The following SLC26A7 variants were observed in gnomAD, a reference collection of about 807,000 sequenced individuals.
SLC26A7 encodes the protein anion exchange transporter.
A neutral mutation model predicts 82.5 loss-of-function variants in SLC26A7; 59 were observed. The ratio of observed to expected loss-of-function variants is 0.72; its 90% CI spans 0.58 to 0.89. The LOEUF is 0.89. SLC26A7 is among the 40% of genes least tolerant of loss of function. The probability of loss-of-function intolerance (pLI) is 0.00; values close to 1 mark genes in which losing one functional copy is unlikely to be tolerated. For synonymous variants in SLC26A7, 271 were observed against 274.3 expected, an observed-to-expected ratio of 0.99 and a Z score of 0.12; for missense variants, 820 against 793.0, an observed-to-expected ratio of 1.03 and a Z score of -0.41.
upstream of SLC26A7, among the ~76,000 whole-genome samples, chr8:91,246,751 A>C (rs28539271): frequency 0.071 from 10,768 of 151,880 alleles, 601 homozygotes; most frequent in African/African-American, 0.15. Context: ...CATCATGAGT[A>C]TAATTACCTG....
chr8:91,257,306 TA>T lies in SLC26A7; in HGVS notation c.193+7465del, dbSNP rs1186265650. ...ATGAAATGTTTGAATGAAATTTTACTAAAGGCTAGAGAGCAACGAAAAGGGA... is the reference window on the plus strand; with the variant it reads ...ATGAAATGTTTGAATGAAATTTTACTAAGGCTAGAGAGCAACGAAAAGGGA... On this transcript the variant is annotated intron_variant, in intron 2 of 18. Coordinates refer to ENST00000276609, the MANE Select transcript of SLC26A7 (RefSeq NM_052832.4). Among the ~76,000 whole-genome samples, 3 of 152,258 alleles carry T rather than the reference TA, an allele frequency of 2.0e-5. No homozygotes were observed. The South Asian group carries it at 6.2e-4, about 32-fold the overall frequency.
At chr8:91,259,909 T>C (rs7836721) in intron 2 of SLC26A7, among the ~76,000 whole-genome samples, 30,097 of 152,122 alleles carry the variant, frequency 0.2, 3,770 homozygotes, top group African/African-American at 0.35. Flanking sequence ...ATGTTCTGTG[T>C]CTTGGCTTAC....
At chr8:91,239,260 C>A (rs914419800) in intron 2 of SLC26A7, among the ~76,000 whole-genome samples, 1 of 150,592 alleles carries the variant, frequency 6.6e-6, no homozygotes, top group African/African-American at 2.4e-5. Context: ...GTCCCAGCTA[C>A]TTTTGAGGCT....
rs752197437 is a variant in SLC26A7 at position 91,338,242 on chromosome 8, T to C, written c.878+10T>C. 1 of 1,578,360 alleles carries C rather than the reference T, an allele frequency of 6.3e-7. No individual in the cohort carries two copies. The highest frequency in any genetic ancestry group is 8.6e-7 in the Non-Finnish European group (1 of 1,161,662). ...GTCATATTCCACAAGGGTAATGTAG[T>C]CCTTTTTAAAAACATATTATTTGTT... On this transcript the variant is annotated intron_variant, in intron 7 of 18. Transcript: ENST00000276609.
chr8:91,261,108 T>G lies in SLC26A7; in HGVS notation c.193+11264T>G, dbSNP rs542893240. On this transcript the variant is annotated intron_variant, in intron 2 of 18. Transcript: ENST00000276609. ...TCATCGTTGCCCACACAATTTGGGT[T>G]GGATTTTTTATGTGTAATTCTTGGA... is the stretch of plus-strand genomic sequence containing the variant. Among the ~76,000 whole-genome samples, 44 of 152,264 alleles carry G rather than the reference T, an allele frequency of 2.9e-4. 2 individuals are homozygous for G. In the South Asian group the frequency reaches 8.1e-3, roughly 28 times the overall value.
At chr8:91,333,772 A>G (rs373525991) in intron 5 of SLC26A7, among the ~76,000 whole-genome samples, 535 of 152,322 alleles carry the variant, frequency 3.5e-3, no homozygotes, top group South Asian at 0.013. Flanking sequence ...GTATAAAGTA[A>G]GTGACAATAA....
intron 2 of SLC26A7, among the ~76,000 whole-genome samples, chr8:91,225,699 G>C (rs1288075213): frequency 4.8e-5 from 5 of 103,344 alleles, no homozygotes; most frequent in Non-Finnish European, 7.0e-5. Flanking sequence ...CATGATCTCA[G>C]CTACAATGTA....
Position 91,347,988 on chromosome 8 carries a change from A to G in SLC26A7, c.1141-3822A>G, listed in dbSNP as rs185352267. On this transcript the variant is annotated intron_variant, in intron 9 of 18. Transcript: ENST00000276609. ...CCTTGCATGCTTCTCTTCACTTCCA[A>G]CAGAGGAGATCCGCTGGTGCTCTGC... is the stretch of plus-strand genomic sequence containing the variant. 1.8e-3 allele frequency among the ~76,000 whole-genome samples: 281 copies of G among 152,188 alleles called. 1 individual carries two copies. Among genetic ancestry groups the G allele is most frequent in the Non-Finnish European group, 3.5e-3 (239 of 67,972 alleles).
chr8:91,279,137 A>ATATATATATG (rs1554603796), intron 2 of SLC26A7, among the ~76,000 whole-genome samples: 13 of 100,366 alleles, frequency 1.3e-4, no homozygotes, highest in African/African-American at 5.8e-4. Flanking sequence ...ATATATATAT[A>ATATATATATG]TATATATATA....
At chr8:91,322,432 T>G (rs775216358) in intron 5 of SLC26A7, among the ~76,000 whole-genome samples, 1 of 152,182 alleles carries the variant, frequency 6.6e-6, no homozygotes. Context: ...ATTGTTCTAT[T>G]CTTGGCTTCC....
At chr8:91,322,529 A>T (rs1210051665) in intron 5 of SLC26A7, among the ~76,000 whole-genome samples, 1 of 152,198 alleles carries the variant, frequency 6.6e-6, no homozygotes, top group African/African-American at 2.4e-5. Flanking sequence ...AAAAATTTTT[A>T]AATTGAGGAA....
chr8:91,231,234 A>C (rs1050099692), intron 2 of SLC26A7, among the ~76,000 whole-genome samples: 1 of 152,236 alleles, frequency 6.6e-6, no homozygotes, highest in Non-Finnish European at 1.5e-5. Flanking sequence ...AAGCAAAGGC[A>C]TGGATTCTGA....
chr8:91,239,343 T>C (rs1810435200), intron 2 of SLC26A7, among the ~76,000 whole-genome samples: 1 of 126,284 alleles, frequency 7.9e-6, no homozygotes, highest in South Asian at 2.4e-4. Context: ...CCCACTGCAC[T>C]CCAGCCTGGG....
chr8:91,355,333 AT>A (rs1813833064), intron 11 of SLC26A7, among the ~76,000 whole-genome samples: 1 of 151,708 alleles, frequency 6.6e-6, no homozygotes, highest in South Asian at 2.1e-4. Context: ...TTATTTACAA[AT>A]TTTTTCTTCT....
At chr8:91,295,764 G>T in intron 4 of SLC26A7, 61 bp downstream of exon 4, 1 of 1,505,660 alleles carries the variant, frequency 6.6e-7, no homozygotes, top group Non-Finnish European at 9.0e-7. Context: ...GAAGGCAGCT[G>T]GTGTTTTATT....
chr8:91,244,479 T>C (rs1478167966), upstream of SLC26A7, among the ~76,000 whole-genome samples: 1 of 150,384 alleles, frequency 6.6e-6, no homozygotes, highest in Non-Finnish European at 1.5e-5. Flanking sequence ...ATTCTTTCCC[T>C]AGGCATTTTT....
At chr8:91,232,841 A>G (rs1012029156) in intron 2 of SLC26A7, among the ~76,000 whole-genome samples, 1 of 152,226 alleles carries the variant, frequency 6.6e-6, no homozygotes, top group African/African-American at 2.4e-5. Flanking sequence ...TACTGGGGGA[A>G]AAGCATTTAG....
At chr8:91,315,600 C>T (rs1459054788) in intron 4 of SLC26A7, among the ~76,000 whole-genome samples, 1 of 152,310 alleles carries the variant, frequency 6.6e-6, no homozygotes, top group East Asian at 1.9e-4. Context: ...CCTGAGTTTA[C>T]TGTAACAGAT....
intron 5 of SLC26A7, among the ~76,000 whole-genome samples, chr8:91,330,382 A>G (rs1813047398): frequency 6.6e-6 from 1 of 152,190 alleles, no homozygotes; most frequent in Non-Finnish European, 1.5e-5. Context: ...GAGGAAACCT[A>G]CTAAGCAGAA....
Sources: allele counts gnomAD v4.1 joint callset (sites outside exome capture counted in the v4.1 genomes callset), GRCh38; gene constraint gnomAD v4.1.1; transcripts MANE v1.5; gene names NCBI Gene and HGNC (gene_info 2026-07-23, HGNC 2026-07-21).